Variants in SFMBT1 observed in about 807,000 individuals in gnomAD.
The protein encoded by SFMBT1 is Scm like with four mbt domains 1.
A neutral mutation model predicts 108.7 loss-of-function variants in SFMBT1; 32 were observed. The ratio of observed to expected loss-of-function variants is 0.29; its 90% confidence interval spans 0.22 to 0.40. The LOEUF is 0.40. SFMBT1 is among the 10% of genes least tolerant of loss of function. The pLI, the probability that SFMBT1 is intolerant of heterozygous loss-of-function variation, is 1.00. For missense variants in SFMBT1, 816 were observed against 1,059.6 expected (o/e 0.77, Z 3.19); for synonymous variants, 348 against 369.5 (o/e 0.94, Z 0.67).
intron 1 of SFMBT1, among the ~76,000 whole-genome samples, chr3:53,040,001 G>A (rs947106883): frequency 6.6e-6 from 1 of 152,052 alleles, no homozygotes; most frequent in Non-Finnish European, 1.5e-5. Flanking sequence ...ATTTTATGAC[G>A]CAAGTCAAAA....
At chr3:52,919,876 A>G (rs1702467184) in intron 12 of SFMBT1, among the ~76,000 whole-genome samples, 1 of 152,162 alleles carries the variant, frequency 6.6e-6, no homozygotes, top group Non-Finnish European at 1.5e-5. Flanking sequence ...GAATGTTTGT[A>G]CTCTCCAAAA....
chr3:53,012,443 C>T lies in SFMBT1; in HGVS notation c.-131+33373G>A, dbSNP rs372340897. ...CCCGAGACGGAGTCTCGCTCTGTCGCCCAGGCTGGAGTGCAGTGGCGCGAT... is the reference window on the plus strand; with the variant it reads ...CCCGAGACGGAGTCTCGCTCTGTCGTCCAGGCTGGAGTGCAGTGGCGCGAT... On this transcript the variant is annotated intron_variant, in intron 1 of 20. Coordinates refer to ENST00000394752, the MANE Select transcript of SFMBT1 (RefSeq NM_016329.4). 8.5e-5 allele frequency among the ~76,000 whole-genome samples: 13 copies of T among 152,048 alleles called. No homozygotes were observed. In the East Asian group the frequency reaches 1.9e-3, roughly 23 times the overall value.
intron 4 of SFMBT1, among the ~76,000 whole-genome samples, chr3:52,942,280 T>A (rs1703207963): frequency 6.6e-6 from 1 of 152,202 alleles, no homozygotes; most frequent in Non-Finnish European, 1.5e-5. Flanking sequence ...ATACATACAG[T>A]ATTTTTGAAT....
intron 10 of SFMBT1, among the ~76,000 whole-genome samples, chr3:52,923,704 T>G (rs1209588014): frequency 6.6e-6 from 1 of 151,526 alleles, no homozygotes; most frequent in African/African-American, 2.4e-5. Context: ...GCAAAACGAC[T>G]AAGAAACATA....
At chr3:52,930,280 C>T (rs1369539094) in intron 8 of SFMBT1, 49 bp downstream of exon 8, 1 of 1,170,630 alleles carries the variant, frequency 8.5e-7, no homozygotes, top group African/African-American at 1.5e-5. Flanking sequence ...ATTTCCTAAA[C>T]CAGTCACCTT....
chr3:52,993,889 A>G (rs1430139500), intron 1 of SFMBT1, among the ~76,000 whole-genome samples: 2 of 150,540 alleles, frequency 1.3e-5, no homozygotes, highest in African/African-American at 4.8e-5. Context: ...AAGCTAAAAA[A>G]AAGCAACCAA....
intron 1 of SFMBT1, among the ~76,000 whole-genome samples, chr3:53,019,478 A>C (rs2106940345): frequency 6.6e-6 from 1 of 152,148 alleles, no homozygotes; most frequent in African/African-American, 2.4e-5. Context: ...TTTCCATTTT[A>C]ATGTTACATG....
At chr3:53,009,049 G>A (rs1245642692) in intron 1 of SFMBT1, among the ~76,000 whole-genome samples, 3 of 151,948 alleles carry the variant, frequency 2.0e-5, no homozygotes, top group Non-Finnish European at 4.4e-5. Flanking sequence ...CTTGAGGTGG[G>A]AGGATCACTT....
intron 6 of SFMBT1, among the ~76,000 whole-genome samples, chr3:52,931,485 A>G (rs1028259068): frequency 6.6e-6 from 1 of 152,140 alleles, no homozygotes; most frequent in African/African-American, 2.4e-5. Context: ...GGGTTGGCAC[A>G]GTAGTCTATG....
Position 52,982,046 on chromosome 3 carries a change from A to C in SFMBT1, c.-130-12788T>G, listed in dbSNP as rs564988525. Among the ~76,000 whole-genome samples the C allele has an allele frequency of 7.2e-5, 11 of 152,256 alleles. No homozygotes were observed. The South Asian group carries it at 1.5e-3, about 20-fold the overall frequency. Reference sequence around the variant, plus strand: ...TGACAATGCCCCCAAGCCACCCATGAGTTCAACTCACCCCATGAGTTCAAC... The same window carrying C: ...TGACAATGCCCCCAAGCCACCCATGCGTTCAACTCACCCCATGAGTTCAAC... On this transcript the variant is annotated intron_variant, in intron 1 of 20. Coordinates refer to ENST00000394752, the MANE Select transcript of SFMBT1 (RefSeq NM_016329.4).
chr3:53,030,737 C>T (rs1164256232), intron 1 of SFMBT1, among the ~76,000 whole-genome samples: 1 of 147,396 alleles, frequency 6.8e-6, no homozygotes, highest in Non-Finnish European at 1.5e-5. Flanking sequence ...AAATATTTGG[C>T]TCCATTGTAA....
At chr3:53,023,212 T>C (rs2106945775) in intron 1 of SFMBT1, among the ~76,000 whole-genome samples, 1 of 152,206 alleles carries the variant, frequency 6.6e-6, no homozygotes, top group South Asian at 2.1e-4. Context: ...GTGACAGAGA[T>C]CTAATCTGGG....
intron 2 of SFMBT1, among the ~76,000 whole-genome samples, chr3:52,968,656 G>A (rs192531365): frequency 1.2e-3 from 181 of 146,950 alleles, no homozygotes; most frequent in African/African-American, 4.3e-3. Context: ...CTGGAGTGCA[G>A]TGGCGCGATC....
At chr3:53,030,332 A>G (rs916275609) in intron 1 of SFMBT1, among the ~76,000 whole-genome samples, 2 of 152,130 alleles carry the variant, frequency 1.3e-5, no homozygotes, top group Non-Finnish European at 2.9e-5. Flanking sequence ...AATACAAAAG[A>G]AACTGGGAAT....
At chr3:52,910,851 T>A (rs1236388986) in intron 17 of SFMBT1, 152 bp downstream of exon 17, 1 of 645,852 alleles carries the variant, frequency 1.5e-6, no homozygotes, top group African/African-American at 1.9e-5. Flanking sequence ...AGAAAGCATA[T>A]GACCCACAAC....
At chr3:52,954,230 AAAATAACTTTAAATT>A in intron 3 of SFMBT1, 72 bp downstream of exon 3, 1 of 1,067,530 alleles carries the variant, frequency 9.4e-7, no homozygotes, top group African/African-American at 1.6e-5. Context: ...ACCACAAATT[AAAATAACTTTAAATT>A]CTCTAATGAT....
chr3:53,037,896 G>A (rs1699918129), intron 1 of SFMBT1, among the ~76,000 whole-genome samples: 1 of 152,116 alleles, frequency 6.6e-6, no homozygotes, highest in Non-Finnish European at 1.5e-5. Context: ...ATCGCCTGAG[G>A]TCAGGGGTTC....
intron 1 of SFMBT1, among the ~76,000 whole-genome samples, chr3:53,037,230 C>G (rs1490143080): frequency 6.6e-6 from 1 of 152,180 alleles, no homozygotes; most frequent in Non-Finnish European, 1.5e-5. Flanking sequence ...GGAAGACTCT[C>G]CCTAGAAGGG....
chr3:53,022,061 G>A lies in SFMBT1; in HGVS notation c.-131+23755C>T, dbSNP rs1357421995. Reference sequence around the variant, plus strand: ...CGTCTATGGCATTAAATAAAAAGTGGTTAAGAGGTGAAAATTAAGGCCTCA... The same window carrying A: ...CGTCTATGGCATTAAATAAAAAGTGATTAAGAGGTGAAAATTAAGGCCTCA... On this transcript the variant is annotated intron_variant, in intron 1 of 20. Transcript: ENST00000394752. 2.0e-5 allele frequency among the ~76,000 whole-genome samples: 3 copies of A among 152,098 alleles called. No homozygotes were observed. The South Asian group carries it at 6.2e-4, about 32-fold the overall frequency.
Sources: gnomAD v4.1 joint callset for allele counts (sites outside exome capture counted in the v4.1 genomes callset) on GRCh38, gnomAD v4.1.1 for gene constraint, MANE v1.5 for transcripts, NCBI Gene and HGNC (gene_info 2026-07-23, HGNC 2026-07-21) for gene names.